Variants in RHOJ observed in about 807,000 individuals in gnomAD.
The protein encoded by RHOJ is rho-related GTP-binding protein RhoJ.
A neutral mutation model predicts 23.4 loss-of-function variants in RHOJ; 11 were observed. That is an observed-to-expected ratio of 0.47 (90% confidence interval 0.30 to 0.78). The LOEUF (loss-of-function observed/expected upper bound fraction) is 0.78, where lower values mean the gene tolerates loss of function less well. RHOJ is among the 30% of genes least tolerant of loss of function. The pLI is 0.08. For synonymous variants in RHOJ, 102 were observed against 102.7 expected (o/e 0.99, Z 0.04); for missense variants, 254 against 273.4 (o/e 0.93, Z 0.50).
chr14:63,285,999 C>T (rs1197245148), intron 4 of RHOJ, among the ~76,000 whole-genome samples: 1 of 152,148 alleles, frequency 6.6e-6, no homozygotes, highest in Non-Finnish European at 1.5e-5. Context: ...TGCCTTTTGT[C>T]GTTGTCACTC....
At chr14:63,261,927 G>A (rs1307312020) in intron 1 of RHOJ, among the ~76,000 whole-genome samples, 3 of 152,094 alleles carry the variant, frequency 2.0e-5, no homozygotes, top group Non-Finnish European at 2.9e-5. Flanking sequence ...AGAATCTAGT[G>A]TTTCTTCCTC....
chr14:63,255,043 C>A (rs2139644061), intron 1 of RHOJ, among the ~76,000 whole-genome samples: 1 of 152,272 alleles, frequency 6.6e-6, no homozygotes, highest in East Asian at 1.9e-4. Context: ...AGGCCATGAT[C>A]CCCTTAATAA....
chr14:63,269,048 G>T, intron 1 of RHOJ, 62 bp from the exon 2 acceptor site: 1 of 1,156,220 alleles, frequency 8.6e-7, no homozygotes, highest in Non-Finnish European at 1.3e-6. Context: ...CAATGTGAAG[G>T]CTCCTGATTG....
At chr14:63,237,469 TA>T in intron 1 of RHOJ, among the ~76,000 whole-genome samples, 1 of 152,306 alleles carries the variant, frequency 6.6e-6, no homozygotes, top group South Asian at 2.1e-4. Context: ...TTTTAAACAT[TA>T]AAAAGTGTCT....
At position 63,216,035 on chromosome 14, in the gene RHOJ, G is replaced by A. The variant is rs142186664; in HGVS notation, c.178+10988G>A. 1.1e-3 allele frequency among the ~76,000 whole-genome samples: 171 copies of A among 152,250 alleles called. 1 individual carries two copies. Among genetic ancestry groups the A allele is most frequent in the African/African-American group, 3.8e-3 (159 of 41,564 alleles). On this transcript the variant is annotated intron_variant, in intron 1 of 4. Coordinates refer to ENST00000316754, the MANE Select transcript of RHOJ (RefSeq NM_020663.5). ...TATTTTATCCTCCCACATGCTGAAAGGATATATTGTAAGCACCATGAGCAT... is the reference window on the plus strand; with the variant it reads ...TATTTTATCCTCCCACATGCTGAAAAGATATATTGTAAGCACCATGAGCAT...
intron 1 of RHOJ, among the ~76,000 whole-genome samples, chr14:63,235,982 C>G (rs994553715): frequency 2.6e-5 from 4 of 152,218 alleles, no homozygotes; most frequent in African/African-American, 9.6e-5. Flanking sequence ...CACATGGAAA[C>G]ACATGGAAGA....
chr14:63,255,253 C>T (rs941627530), intron 1 of RHOJ, among the ~76,000 whole-genome samples: 6 of 152,164 alleles, frequency 3.9e-5, no homozygotes, highest in African/African-American at 1.4e-4. Context: ...CATGCCCCCA[C>T]CCTCTTAAGG....
intron 1 of RHOJ, among the ~76,000 whole-genome samples, chr14:63,209,554 A>T (rs1324306297): frequency 2.0e-5 from 3 of 151,852 alleles, no homozygotes; most frequent in Non-Finnish European, 4.4e-5. Context: ...ACACACACAC[A>T]CTCTCTTTCT....
intron 2 of RHOJ, among the ~76,000 whole-genome samples, chr14:63,272,893 C>T (rs867573351): frequency 2.0e-4 from 30 of 152,098 alleles, no homozygotes; most frequent in African/African-American, 5.6e-4. Flanking sequence ...CATGGTGGCG[C>T]GCACCTGTAA....
At chr14:63,266,449 G>T (rs562410228) in intron 1 of RHOJ, among the ~76,000 whole-genome samples, 1 of 152,270 alleles carries the variant, frequency 6.6e-6, no homozygotes, top group South Asian at 2.1e-4. Flanking sequence ...CAGTCAGTTG[G>T]GGTGCTTAGA....
intron 1 of RHOJ, among the ~76,000 whole-genome samples, chr14:63,255,856 CT>C (rs140771576): frequency 0.026 from 3,921 of 148,664 alleles, 170 homozygotes; most frequent in African/African-American, 0.088. Flanking sequence ...CACCTTTATC[CT>C]TTTTTTTTTA....
At chr14:63,268,962 T>G (rs1255496079) in intron 1 of RHOJ, 148 bp from the exon 2 acceptor site, 1 of 599,338 alleles carries the variant, frequency 1.7e-6, no homozygotes, top group Non-Finnish European at 3.0e-6. Flanking sequence ...GAAATTATGC[T>G]GTCAACTTGG....
intron 1 of RHOJ, among the ~76,000 whole-genome samples, chr14:63,219,894 G>A (rs532342769): frequency 5.3e-5 from 8 of 151,962 alleles, no homozygotes; most frequent in East Asian, 3.9e-4. Flanking sequence ...AGGGGAATGC[G>A]CATCTCTCTA....
chr14:63,230,714 CACACAT>C lies in RHOJ; in HGVS notation c.178+25673_178+25678del, dbSNP rs1026260054. Among the ~76,000 whole-genome samples, 91 of 150,660 alleles carry C rather than the reference CACACAT, an allele frequency of 6.0e-4. No individual in the cohort carries two copies. In the East Asian group the frequency reaches 0.011, roughly 19 times the overall value. On this transcript the variant is annotated intron_variant, in intron 1 of 4. Transcript: ENST00000316754. ...ATGTACACACACACACACACACACA[CACACAT>C]ACACACTTCTTTATTATCTCTCTAT...
chr14:63,269,443 C>G (rs552401925), intron 2 of RHOJ: 2 of 305,480 alleles, frequency 6.5e-6, no homozygotes, highest in Non-Finnish European at 6.0e-6. Flanking sequence ...TATGTGACCA[C>G]GAGTTTCAAT....
intron 1 of RHOJ, among the ~76,000 whole-genome samples, chr14:63,205,657 T>C (rs1268211993): frequency 6.6e-6 from 1 of 152,180 alleles, no homozygotes; most frequent in Non-Finnish European, 1.5e-5. Context: ...AATTAACATG[T>C]TTTTAAAAGG....
chr14:63,278,432 T>A (rs962489939), intron 2 of RHOJ, among the ~76,000 whole-genome samples: 6 of 152,044 alleles, frequency 3.9e-5, no homozygotes, highest in Admixed American at 6.6e-5. Flanking sequence ...TTTTTTAAAA[T>A]TTTTTTTATT....
At chr14:63,280,876 G>A (rs1594777442) in intron 2 of RHOJ, 95 bp from the exon 3 acceptor site, 1 of 1,158,644 alleles carries the variant, frequency 8.6e-7, no homozygotes, top group Non-Finnish European at 1.2e-6. Context: ...GGATCCCAGT[G>A]CGCTGTAGTG....
chr14:63,284,151 T>C (rs1356945922), intron 4 of RHOJ: 2 of 876,822 alleles, frequency 2.3e-6, no homozygotes, highest in African/African-American at 3.6e-5. Flanking sequence ...GAATATTAAC[T>C]ACAAATTCTT....
Sources: allele counts gnomAD v4.1 joint callset (sites outside exome capture counted in the v4.1 genomes callset), GRCh38; gene constraint gnomAD v4.1.1; transcripts MANE v1.5; gene names NCBI Gene and HGNC (gene_info 2026-07-23, HGNC 2026-07-21).